COL28A1: variants seen among roughly 807,000 people sequenced by gnomAD.
The protein encoded by COL28A1 is collagen alpha-1(XXVIII) chain.
Under a neutral mutation model 150.2 loss-of-function variants are expected in COL28A1, and 161 were observed. The ratio of observed to expected loss-of-function variants is 1.07; its 90% CI spans 0.94 to 1.22. The LOEUF is 1.22. Among genes scored for constraint, COL28A1 ranks in the 50% most tolerant of loss-of-function variants. The pLI is 0.00. For synonymous variants in COL28A1, 552 were observed against 469.7 expected (o/e 1.18, Z -2.26); for missense variants, 1,617 against 1,388.3 (o/e 1.16, Z -2.62).
In COL28A1 at chr7:7,520,065, G is replaced by A. The variant is rs188445943; in HGVS notation, c.810C>T (p.Asn270=). The change falls in exon 6 of 35, where the codon AAC becomes AAT. Residue 270 remains asparagine (N), a synonymous_variant. Transcript: ENST00000399429. ...GAAAAGCTGTTTATTCATTTACCGG[G>A]TTTCCTTTTGGTCCTCGCTCACCTT... ...GIKGERGPKG[N]PGNAQKGEAG... 2.4e-4 allele frequency: 333 copies of A among 1,363,082 alleles called. No individual in the cohort carries two copies. The East Asian group carries it at 4.1e-3, about 17-fold the overall frequency. The allele number at this position is 1,363,082 out of a possible 1,614,324, so 84.4% of individuals were successfully genotyped here. A position where few individuals can be genotyped will look rare whatever the true frequency, so the allele number is the denominator to read the frequency against.
intron 30 of COL28A1, among the ~76,000 whole-genome samples, chr7:7,377,529 G>GC (rs1331411683): frequency 6.6e-6 from 1 of 152,182 alleles, no homozygotes; most frequent in Non-Finnish European, 1.5e-5. Flanking sequence ...GGGAAGGGGA[G>GC]CGTTCAGGCA....
chr7:7,386,445 C>G (rs746373366), intron 27 of COL28A1, among the ~76,000 whole-genome samples: 11 of 152,262 alleles, frequency 7.2e-5, no homozygotes, highest in South Asian at 4.2e-4. Flanking sequence ...TTCTTGAATC[C>G]ATCATAGAGC....
At chr7:7,464,130 G>A (rs1324185327) in intron 15 of COL28A1, among the ~76,000 whole-genome samples, 2 of 152,106 alleles carry the variant, frequency 1.3e-5, no homozygotes, top group African/African-American at 4.8e-5. Flanking sequence ...AAATATATAT[G>A]CACCCAACAC....
At position 7,429,471 on chromosome 7, in the gene COL28A1, T is replaced by TG. The variant is rs199525347; in HGVS notation, c.1998+3001dup. On this transcript the variant is annotated intron_variant, in intron 25 of 34. Coordinates refer to ENST00000399429, the MANE Select transcript of COL28A1 (RefSeq NM_001037763.3). ...TTTCTCTCTGTGCTCTGTGTGTGTG[T>TG]GTGGGGGGGGGGATGGTGTGTGTGT... 4.2e-3 allele frequency among the ~76,000 whole-genome samples: 502 copies of TG among 120,512 alleles called. 23 individuals are homozygous for TG. Among genetic ancestry groups the TG allele is most frequent in the African/African-American group, 0.015 (364 of 24,938 alleles). The allele number at this position is 120,512 out of a possible 152,430, so 79.1% of individuals were successfully genotyped here. A position where few individuals can be genotyped will look rare whatever the true frequency, so the allele number is the denominator to read the frequency against.
At chr7:7,483,835 AATAAAT>A (rs2128362597) in intron 13 of COL28A1, among the ~76,000 whole-genome samples, 1 of 152,268 alleles carries the variant, frequency 6.6e-6, no homozygotes, top group Non-Finnish European at 1.5e-5. Context: ...GTAAAAAGAT[AATAAAT>A]ATAGTTAATA....
chr7:7,351,074 A>C, the COL28A1 span, among the ~76,000 whole-genome samples: 1 of 152,130 alleles, frequency 6.6e-6, no homozygotes, highest in Non-Finnish European at 1.5e-5. Context: ...AACTAGAGGG[A>C]TATTTTGTCT....
At chr7:7,510,330 G>C (rs1327080627) in intron 9 of COL28A1, among the ~76,000 whole-genome samples, 1 of 152,112 alleles carries the variant, frequency 6.6e-6, no homozygotes, top group Non-Finnish European at 1.5e-5. Context: ...TGTCACCCAG[G>C]CTGGAGTGCA....
At chr7:7,346,827 G>C in the COL28A1 span, among the ~76,000 whole-genome samples, 1 of 152,028 alleles carries the variant, frequency 6.6e-6, no homozygotes, top group Non-Finnish European at 1.5e-5. Context: ...TCTGGGAAAA[G>C]GAAGATAGCA....
At chr7:7,428,930 A>G (rs1204250701) in intron 25 of COL28A1, among the ~76,000 whole-genome samples, 1 of 152,232 alleles carries the variant, frequency 6.6e-6, no homozygotes, top group African/African-American at 2.4e-5. Context: ...TTCCACTTGG[A>G]AAAGAGCCAC....
At chr7:7,458,211 G>A (rs1244794659) in intron 15 of COL28A1, among the ~76,000 whole-genome samples, 2 of 152,174 alleles carry the variant, frequency 1.3e-5, no homozygotes, top group Non-Finnish European at 2.9e-5. Flanking sequence ...GAGATCGGGA[G>A]TTCGAGACCA....
chr7:7,444,665 A>G (rs899042705), intron 18 of COL28A1, among the ~76,000 whole-genome samples, 176 bp from the exon 19 acceptor site: 2 of 152,006 alleles, frequency 1.3e-5, no homozygotes, highest in Non-Finnish European at 2.9e-5. Flanking sequence ...TTAGTTTTTG[A>G]TTCTATTTTT....
At chr7:7,516,663 A>G (rs1235502717) in intron 7 of COL28A1, among the ~76,000 whole-genome samples, 1 of 152,250 alleles carries the variant, frequency 6.6e-6, no homozygotes, top group Non-Finnish European at 1.5e-5. Flanking sequence ...AGAGCTGAAG[A>G]AACCTATTTA....
chr7:7,440,587 A>G (rs891208805), intron 21 of COL28A1, among the ~76,000 whole-genome samples: 8 of 152,212 alleles, frequency 5.3e-5, no homozygotes, highest in African/African-American at 1.9e-4. Context: ...TTCTATGAGT[A>G]TTACATATTT....
chr7:7,538,000 G>T (rs1332066752), upstream of COL28A1, among the ~76,000 whole-genome samples: 4 of 152,116 alleles, frequency 2.6e-5, no homozygotes, highest in Non-Finnish European at 5.9e-5. Flanking sequence ...GAGCTGTTTT[G>T]ATTAAAGTTG....
At chr7:7,419,062 G>T (rs1784257597) in intron 26 of COL28A1, among the ~76,000 whole-genome samples, 3 of 152,162 alleles carry the variant, frequency 2.0e-5, no homozygotes, top group Non-Finnish European at 4.4e-5. Flanking sequence ...ATTTGAATTT[G>T]TGGTGGGTGG....
intron 31 of COL28A1, among the ~76,000 whole-genome samples, chr7:7,375,080 A>T (rs1381172857): frequency 6.6e-6 from 1 of 152,172 alleles, no homozygotes; most frequent in Non-Finnish European, 1.5e-5. Flanking sequence ...CAGACATTCT[A>T]ATCACCAGCT....
intron 20 of COL28A1, among the ~76,000 whole-genome samples, 155 bp downstream of exon 20, chr7:7,443,430 T>C (rs1020888795): frequency 9.9e-5 from 15 of 152,138 alleles, no homozygotes; most frequent in African/African-American, 3.6e-4. Context: ...ATACGCTTGC[T>C]GTCTTCCAAA....
chr7:7,502,047 A>C lies in COL28A1; in HGVS notation c.1026+3967T>G, dbSNP rs1028996770. On this transcript the variant is annotated intron_variant, in intron 11 of 34. Transcript: ENST00000399429. ...GTAGCTGGGATCACAGGCGCCCGCC[A>C]CCACGCCCGGCTAATTTTTGTGCTG... Among the ~76,000 whole-genome samples the C allele has an allele frequency of 9.9e-5, 15 of 152,142 alleles. 1 individual carries two copies. The highest frequency in any genetic ancestry group is 2.9e-5 in the Non-Finnish European group (2 of 68,022).
rs76776774 is a variant in COL28A1, at chr7:7,421,784, G to C, written c.1999-1831C>G. Among the ~76,000 whole-genome samples the C allele has an allele frequency of 2.6e-3, 390 of 152,268 alleles. 1 individual carries two copies. The highest frequency in any genetic ancestry group is 8.9e-3 in the African/African-American group (369 of 41,556). On this transcript the variant is annotated intron_variant, in intron 25 of 34. Coordinates refer to ENST00000399429, the MANE Select transcript of COL28A1 (RefSeq NM_001037763.3). ...TTTTAATATCTACTTTCATAATTAT[G>C]TATTTCTATTTTGCTTACAGACCAC...
Sources: allele counts gnomAD v4.1 joint callset (sites outside exome capture counted in the v4.1 genomes callset), GRCh38; gene constraint gnomAD v4.1.1; transcripts MANE v1.5; gene names NCBI Gene and HGNC (gene_info 2026-07-23, HGNC 2026-07-21).